Variants in TMEM33 observed in about 807,000 individuals in gnomAD.
The protein encoded by TMEM33 is transmembrane protein 33.
TMEM33 carries 16 observed loss-of-function variants against 29.7 expected under a neutral mutation model. The observed-to-expected ratio is 0.54, with a 90% CI of 0.36 to 0.82. The LOEUF (loss-of-function observed/expected upper bound fraction) is 0.82, where lower values mean the gene tolerates loss of function less well. Ranked by LOEUF, TMEM33 falls within the 40% of genes least tolerant of loss-of-function variation. TMEM33 has a pLI of 0.00. For missense variants in TMEM33, 252 were observed against 295.3 expected, an observed-to-expected ratio of 0.85 and a Z score of 1.08; for synonymous variants, 112 against 109.4, an observed-to-expected ratio of 1.02 and a Z score of -0.15.
At chr4:41,946,229 A>G (rs1712782285) in intron 5 of TMEM33, among the ~76,000 whole-genome samples, 1 of 151,834 alleles carries the variant, frequency 6.6e-6, no homozygotes, top group Non-Finnish European at 1.5e-5. Flanking sequence ...TAGATACCAG[A>G]ATTGATTTTG....
chr4:41,943,795 A>G lies in TMEM33; in HGVS notation c.377A>G (p.Tyr126Cys). 2 of 1,613,926 alleles carry G rather than the reference A, an allele frequency of 1.2e-6. No individual in the cohort carries two copies. The highest frequency in any genetic ancestry group is 1.7e-6 in the Non-Finnish European group (2 of 1,179,928). The change falls in exon 4 of 7, where the codon TAT (tyrosine) becomes TGT (cysteine). Residue 126 changes from tyrosine (Y) to cysteine (C), a missense_variant. Transcript: ENST00000504986. ...LLFSLLHAATYTKKVLDARGS... is the reference protein window; with the variant it reads ...LLFSLLHAATCTKKVLDARGS... ...TTCTCTTTGCTTCATGCTGCCACAT[A>G]TACGAAAAAGGTCCTTGACGTAAGT...
rs1713307110 is a variant in TMEM33, at chr4:41,957,185, G to A, written c.*2986G>A. On this transcript the variant is annotated 3_prime_UTR_variant, in exon 7 of 7. Transcript: ENST00000504986. ...TACTTTATTTTAGCAAGGATTCTCT[G>A]TCCTTTTGTATAGTTGGTACCTTAC... 1 of 150,688 alleles carries A rather than the reference G, an allele frequency of 6.6e-6. No individual in the cohort carries two copies. The highest frequency in any genetic ancestry group is 2.4e-5 in the African/African-American group (1 of 40,920). 9.3% of individuals were successfully genotyped at this position (150,688 alleles called of 1,614,324 possible). A position where few individuals can be genotyped will look rare whatever the true frequency, so the allele number is the denominator to read the frequency against.
At chr4:41,936,222 T>C (rs1712224702) in intron 1 of TMEM33, among the ~76,000 whole-genome samples, 1 of 152,246 alleles carries the variant, frequency 6.6e-6, no homozygotes, top group South Asian at 2.1e-4. Flanking sequence ...AGCTGCTTTC[T>C]CTTCATCTGG....
chr4:41,935,957 C>A (rs1214897083), intron 1 of TMEM33, among the ~76,000 whole-genome samples: 1 of 152,186 alleles, frequency 6.6e-6, no homozygotes, highest in Non-Finnish European at 1.5e-5. Context: ...AGAAATTATG[C>A]AAAGGGAGGA....
intron 6 of TMEM33, 74 bp from the exon 7 acceptor site, chr4:41,953,996 G>A (rs2153128087): frequency 6.4e-7 from 1 of 1,563,836 alleles, no homozygotes; most frequent in East Asian, 2.3e-5. Flanking sequence ...TATCTATGGA[G>A]TACAATAAAA....
At chr4:41,947,798 AT>A in intron 5 of TMEM33, among the ~76,000 whole-genome samples, 1 of 152,170 alleles carries the variant, frequency 6.6e-6, no homozygotes, top group East Asian at 1.9e-4. Flanking sequence ...ATCAAGTTAC[AT>A]TTGTGCCAGT....
At chr4:41,944,015 G>T in intron 4 of TMEM33, 1 of 508,970 alleles carries the variant, frequency 2.0e-6, no homozygotes, top group Non-Finnish European at 3.4e-6. Context: ...TATAGATAAA[G>T]GATTGCACTT....
intron 5 of TMEM33, among the ~76,000 whole-genome samples, chr4:41,948,177 AGTT>A (rs1176272613): frequency 6.6e-6 from 1 of 152,132 alleles, no homozygotes; most frequent in African/African-American, 2.4e-5. Context: ...TCTGTCCTAG[AGTT>A]GTTAAACAGA....
chr4:41,947,552 A>G (rs569957029), intron 5 of TMEM33, among the ~76,000 whole-genome samples: 1 of 152,342 alleles, frequency 6.6e-6, no homozygotes, highest in Admixed American at 6.5e-5. Context: ...TTTTAAGATT[A>G]CTGTAAAAAA....
At chr4:41,948,078 T>C (rs997439258) in intron 5 of TMEM33, among the ~76,000 whole-genome samples, 4 of 152,204 alleles carry the variant, frequency 2.6e-5, no homozygotes, top group Admixed American at 6.5e-5. Context: ...CTTAGTTGTG[T>C]AGGGTGTTCT....
chr4:41,951,824 TGA>T (rs1713050901), intron 6 of TMEM33, among the ~76,000 whole-genome samples: 1 of 152,132 alleles, frequency 6.6e-6, no homozygotes, highest in South Asian at 2.1e-4. Context: ...TTAGCATACT[TGA>T]GCTCAGGAAG....
rs1216695971 is a variant in TMEM33 at position 41,957,322 on chromosome 4, A to C, written c.*3123A>C. On this transcript the variant is annotated 3_prime_UTR_variant, in exon 7 of 7. Transcript: ENST00000504986. ...AGAGGTAGATCCTCCTGGAAGAAAG[A>C]AAGCAAGCGAACTTTTTAAAGAAAA... 6 of 150,226 alleles carry C rather than the reference A, an allele frequency of 4.0e-5. No individual in the cohort carries two copies. The highest frequency in any genetic ancestry group is 2.1e-4 in the South Asian group (1 of 4,780). 9.3% of individuals were successfully genotyped at this position (150,226 alleles called of 1,614,324 possible). A position where few individuals can be genotyped will look rare whatever the true frequency, so the allele number is the denominator to read the frequency against.
chr4:41,937,669 T>C (rs1419338233), intron 1 of TMEM33, among the ~76,000 whole-genome samples: 1 of 152,192 alleles, frequency 6.6e-6, no homozygotes, highest in Non-Finnish European at 1.5e-5. Flanking sequence ...TTGTGAAACT[T>C]TTGTTTATAT....
intron 4 of TMEM33, 185 bp downstream of exon 4, chr4:41,943,999 A>T (rs1433161765): frequency 1.8e-6 from 1 of 555,440 alleles, no homozygotes; most frequent in African/African-American, 1.9e-5. Context: ...ACAAACTAGA[A>T]CATTTTATAG....
rs1246503224 is a variant in TMEM33 at position 41,953,746 on chromosome 4, T to G, written c.615-324T>G. On this transcript the variant is annotated intron_variant, in intron 6 of 6. Coordinates refer to ENST00000504986, the MANE Select transcript of TMEM33 (RefSeq NM_018126.3). The stretch of plus-strand genomic sequence containing the variant: ...AATGGCCTTCATGAACTGCTTCATC[T>G]TATATTTGTGCAGTTTGTGGTGCCC... 8.7e-6 allele frequency: 4 copies of G among 461,294 alleles called. No homozygotes were observed. In the Admixed American group the frequency reaches 9.3e-5, roughly 11 times the overall value. 28.6% of individuals were successfully genotyped at this position (461,294 alleles called of 1,614,324 possible). A position where few individuals can be genotyped will look rare whatever the true frequency, so the allele number is the denominator to read the frequency against.
intron 3 of TMEM33, chr4:41,939,956 CA>C (rs1415775446): frequency 2.7e-6 from 1 of 367,420 alleles, no homozygotes; most frequent in Non-Finnish European, 5.3e-6. Flanking sequence ...TTTCACATTT[CA>C]AAGGTGTGTT....
chr4:41,948,220 A>T (rs1258042475), intron 5 of TMEM33, among the ~76,000 whole-genome samples: 1 of 152,178 alleles, frequency 6.6e-6, no homozygotes, highest in Non-Finnish European at 1.5e-5. Context: ...AGCACTATCA[A>T]TGTTAGTCAT....
At chr4:41,937,018 A>G (rs1215681804) in intron 1 of TMEM33, among the ~76,000 whole-genome samples, 1 of 148,356 alleles carries the variant, frequency 6.7e-6, no homozygotes, top group Non-Finnish European at 1.5e-5. Flanking sequence ...CTGTGTGAAT[A>G]TTGCTCCTCA....
At chr4:41,935,297 G>C (rs913248387), upstream of TMEM33, 7 of 670,236 alleles carry the variant, frequency 1.0e-5, no homozygotes, top group Middle Eastern at 4.0e-4. Context: ...CCTGGATCCA[G>C]TCGGCTGCAC....
Sources: allele counts gnomAD v4.1 joint callset (sites outside exome capture counted in the v4.1 genomes callset), GRCh38; gene constraint gnomAD v4.1.1; transcripts MANE v1.5; gene names NCBI Gene and HGNC (gene_info 2026-07-23, HGNC 2026-07-21).